HECW1: variants seen among roughly 807,000 people sequenced by gnomAD.
The protein encoded by HECW1 is E3 ubiquitin-protein ligase HECW1.
A neutral mutation model predicts 182.3 loss-of-function variants in HECW1; 61 were observed. The ratio of observed to expected loss-of-function variants is 0.33; its 90% confidence interval spans 0.27 to 0.41. The LOEUF (loss-of-function observed/expected upper bound fraction) is 0.41, where lower values mean the gene tolerates loss of function less well. Among genes scored for constraint, HECW1 ranks in the 10% least tolerant of loss-of-function variants. The pLI, the probability that HECW1 is intolerant of heterozygous loss-of-function variation, is 1.00. For missense variants in HECW1, 1,739 were observed against 2,108.9 expected (o/e 0.82, Z 3.44); for synonymous variants, 859 against 832.6 (o/e 1.03, Z -0.55).
intron 3 of HECW1, among the ~76,000 whole-genome samples, chr7:43,269,010 T>A (rs1449454819): frequency 6.6e-6 from 1 of 152,118 alleles, no homozygotes; most frequent in Non-Finnish European, 1.5e-5. Flanking sequence ...TTCATTTTTT[T>A]AAGTAAACAG....
At chr7:43,392,712 G>A (rs1245908096) in intron 6 of HECW1, among the ~76,000 whole-genome samples, 1 of 152,172 alleles carries the variant, frequency 6.6e-6, no homozygotes, top group Non-Finnish European at 1.5e-5. Context: ...ATGCTGCTGT[G>A]TATTTTTAGC....
At chr7:43,508,674 C>A in intron 23 of HECW1, 1 of 400,174 alleles carries the variant, frequency 2.5e-6, no homozygotes, top group Non-Finnish European at 4.5e-6. Context: ...ATTCAATGGG[C>A]CAGCTGTGTG....
At chr7:43,545,592 T>G (rs2081528645) in intron 26 of HECW1, among the ~76,000 whole-genome samples, 1 of 152,226 alleles carries the variant, frequency 6.6e-6, no homozygotes, top group Non-Finnish European at 1.5e-5. Context: ...GAAGTCTTAT[T>G]AATAACAAAA....
At position 43,491,869 on chromosome 7, in the gene HECW1, G is replaced by A. The variant is rs921724345; in HGVS notation, c.3235-206G>A. ...CTCCCCAAGTGCTAGGATTACAGGC[G>A]TGAGCCAGATGGCTTTCTTAACCAT... On this transcript the variant is annotated intron_variant, in intron 17 of 29. Coordinates refer to ENST00000395891, the MANE Select transcript of HECW1 (RefSeq NM_015052.5). Among the ~76,000 whole-genome samples, 9 of 152,312 alleles carry A rather than the reference G, an allele frequency of 5.9e-5. No individual in the cohort carries two copies. The South Asian group carries it at 1.4e-3, about 25-fold the overall frequency.
rs1197030713 is a variant in HECW1 at position 43,500,722 on chromosome 7, C to T, written c.3461C>T (p.Thr1154Ile). 1.9e-6 allele frequency: 3 copies of T among 1,613,644 alleles called. No homozygotes were observed. Among genetic ancestry groups the T allele is most frequent in the Non-Finnish European group, 2.5e-6 (3 of 1,179,726 alleles). ...TLREKIHYIR[T>I]EGNHGLEKLS... is the part of the protein sequence containing the mutation. ...AGGGAGAAAATCCATTACATTCGGA[C>T]TGAGGGTAATCACGGGCTTGAGAAG... The change falls in exon 20 of 30, where the codon ACT becomes ATT. Residue 1154 changes from threonine to isoleucine, a missense_variant. Around this residue, in one of 5 missense-constraint regions of HECW1, gnomAD observed 420 missense variants for 595.7 expected, o/e 0.71. Transcript: ENST00000395891.
intron 3 of HECW1, chr7:43,274,727 G>T: frequency 4.0e-6 from 1 of 251,210 alleles, no homozygotes; most frequent in Non-Finnish European, 7.9e-6. Flanking sequence ...TCCATTTATT[G>T]TTTTTATTTG....
intron 17 of HECW1, among the ~76,000 whole-genome samples, chr7:43,480,016 T>C (rs2078365592): frequency 6.6e-6 from 1 of 152,154 alleles, no homozygotes; most frequent in Non-Finnish European, 1.5e-5. Flanking sequence ...GAAAATGCAC[T>C]GTCAGGAGAT....
chr7:43,216,033 G>A (rs928629150), intron 2 of HECW1, among the ~76,000 whole-genome samples: 10 of 152,222 alleles, frequency 6.6e-5, no homozygotes, highest in Admixed American at 6.5e-4. Flanking sequence ...CTCTGGCCCT[G>A]AGTCAGGTAG....
Position 43,127,454 on chromosome 7 carries a change from C to A in HECW1, c.-32+13063C>A, listed in dbSNP as rs563051449. On this transcript the variant is annotated intron_variant, in intron 2 of 29. Transcript: ENST00000395891. The stretch of plus-strand genomic sequence containing the variant: ...AGGAGAATCGCTTGAACCTGGGAGG[C>A]AGAGGTTGCGGTAAGCCGAGATTGC... 3.0e-5 allele frequency among the ~76,000 whole-genome samples: 4 copies of A among 132,140 alleles called. No homozygotes were observed. The South Asian group carries it at 9.2e-4, about 30-fold the overall frequency. 86.7% of individuals were successfully genotyped at this position (132,140 alleles called of 152,430 possible).
chr7:43,520,555 A>G (rs6463197), intron 24 of HECW1, among the ~76,000 whole-genome samples: 61 of 152,080 alleles, frequency 4.0e-4, no homozygotes, highest in African/African-American at 1.4e-3. Context: ...TGTGTAGTTC[A>G]TTCATGATTT....
At chr7:43,303,071 T>C (rs892218704) in intron 3 of HECW1, among the ~76,000 whole-genome samples, 1 of 152,126 alleles carries the variant, frequency 6.6e-6, no homozygotes. Flanking sequence ...CCCTCCTGGC[T>C]GCCACCTTCC....
At chr7:43,302,193 CAGCCTGAGGCTCCTCAGGCTTCTCAACA>C (rs371287345) in intron 3 of HECW1, among the ~76,000 whole-genome samples, 1,622 of 152,284 alleles carry the variant, frequency 0.011, 36 homozygotes, top group African/African-American at 0.037. Flanking sequence ...TGGCTTACAA[CAGCCTGAGGCTCCTCAGGCTTCTCAACA>C]AGCCTGAGGC....
At chr7:43,117,795 T>C (rs1443888856) in intron 2 of HECW1, 2 of 152,248 alleles carry the variant, frequency 1.3e-5, no homozygotes, top group East Asian at 3.8e-4. Context: ...ATGATAATAA[T>C]GCAATTACTT....
chr7:43,532,876 C>T (rs1309865967), intron 24 of HECW1, among the ~76,000 whole-genome samples: 1 of 152,184 alleles, frequency 6.6e-6, no homozygotes, highest in Admixed American at 6.5e-5. Context: ...CTCAAATGTG[C>T]AGAGTGGAGC....
intron 11 of HECW1, 48 bp downstream of exon 11, chr7:43,445,618 C>T: frequency 2.0e-6 from 3 of 1,477,582 alleles, no homozygotes; most frequent in Non-Finnish European, 2.7e-6. Flanking sequence ...ATCAGGGGGA[C>T]AAAGGTGTCA....
chr7:43,488,790 T>C (rs1422045932), intron 17 of HECW1, among the ~76,000 whole-genome samples: 1 of 152,192 alleles, frequency 6.6e-6, no homozygotes, highest in African/African-American at 2.4e-5. Context: ...CTTTGAGCCA[T>C]CCAGTACCAA....
intron 2 of HECW1, among the ~76,000 whole-genome samples, chr7:43,165,230 A>G (rs750207539): frequency 1.3e-4 from 20 of 152,196 alleles, no homozygotes; most frequent in Non-Finnish European, 1.2e-4. Flanking sequence ...AAATGTGTCA[A>G]TTTCCCTTTT....
chr7:43,178,325 A>G (rs896125677), intron 2 of HECW1, among the ~76,000 whole-genome samples: 4 of 151,994 alleles, frequency 2.6e-5, no homozygotes, highest in African/African-American at 9.7e-5. Flanking sequence ...CTATCTAACT[A>G]TCCCCATGGA....
chr7:43,422,308 G>A (rs2076208329), intron 8 of HECW1, among the ~76,000 whole-genome samples: 1 of 151,884 alleles, frequency 6.6e-6, no homozygotes, highest in African/African-American at 2.4e-5. Flanking sequence ...CAGGGGTCAG[G>A]GTTGGGCCTG....
Sources: gnomAD v4.1 joint callset for allele counts (sites outside exome capture counted in the v4.1 genomes callset) on GRCh38, gnomAD v4.1.1 for gene constraint, gnomAD v4.1.1 regional missense constraint, MANE v1.5 for transcripts, NCBI Gene and HGNC (gene_info 2026-07-23, HGNC 2026-07-21) for gene names.